Variants in TSC22D1 observed in about 807,000 individuals in gnomAD.
TSC22D1 encodes TSC22 domain family member 1, also known as TSC22 domain family protein 1.
In TSC22D1, 9 loss-of-function variants were observed where a neutral mutation model predicts 74.2. The observed-to-expected ratio is 0.12, with a 90% confidence interval of 0.07 to 0.21. The LOEUF (loss-of-function observed/expected upper bound fraction) is 0.21, where lower values mean the gene tolerates loss of function less well. Among genes scored for constraint, TSC22D1 ranks in the 10% least tolerant of loss-of-function variants. The pLI is 1.00. For missense variants in TSC22D1, 1,427 were observed against 1,304.7 expected, an observed-to-expected ratio of 1.09 and a Z score of -1.44; for synonymous variants, 586 against 492.5, an observed-to-expected ratio of 1.19 and a Z score of -2.51.
intron 1 of TSC22D1, among the ~76,000 whole-genome samples, chr13:44,501,127 T>G (rs1879204331): frequency 6.6e-6 from 1 of 152,148 alleles, no homozygotes; most frequent in Non-Finnish European, 1.5e-5. Flanking sequence ...GAATAGTGAT[T>G]TGGGACTAGA....
At chr13:44,540,276 A>G (rs918346020) in intron 1 of TSC22D1, among the ~76,000 whole-genome samples, 2 of 152,186 alleles carry the variant, frequency 1.3e-5, no homozygotes, top group African/African-American at 4.8e-5. Context: ...AGATATATCA[A>G]AGGAGGAGTC....
chr13:44,573,649 A>C lies in TSC22D1; in HGVS notation c.2426T>G (p.Val809Gly), dbSNP rs756621836. ...CTGCTGTGAAACAATTCCTTGAGCT[A>C]CTGGTTCTACTCCTTGTGGCTGGGG... ...VPPQPQGVEP[V>G]AQGIVSQQLP... Residue 809 changes from valine (V) to glycine (G), a missense_variant, in exon 1 of 3, where the codon GTA (valine) becomes GGA (glycine). By Grantham distance (109) the Val-to-Gly change is moderately radical (BLOSUM62 -3). Transcript: ENST00000458659. 32 of 1,614,118 alleles carry C rather than the reference A, an allele frequency of 2.0e-5. No homozygotes were observed. The highest frequency in any genetic ancestry group is 2.4e-5 in the Non-Finnish European group (28 of 1,180,042).
At chr13:44,555,618 T>TAAATAAATAAATAAAC (rs1462065028) in intron 1 of TSC22D1, among the ~76,000 whole-genome samples, 6 of 151,766 alleles carry the variant, frequency 4.0e-5, no homozygotes, top group Non-Finnish European at 7.4e-5. Flanking sequence ...AATAAATAAA[T>TAAATAAATAAATAAAC]AAATAAATAA....
At chr13:44,544,250 T>C (rs1489448504) in intron 1 of TSC22D1, among the ~76,000 whole-genome samples, 1 of 152,040 alleles carries the variant, frequency 6.6e-6, no homozygotes, top group Non-Finnish European at 1.5e-5. Context: ...ATTACAGATT[T>C]CTAATATTCT....
chr13:44,513,986 C>T (rs1414656684), intron 1 of TSC22D1, among the ~76,000 whole-genome samples: 1 of 152,154 alleles, frequency 6.6e-6, no homozygotes, highest in African/African-American at 2.4e-5. Flanking sequence ...CAGGTATAGA[C>T]AACTAAAGTT....
chr13:44,474,707 G>A (rs1026192936), intron 1 of TSC22D1, among the ~76,000 whole-genome samples: 2 of 151,862 alleles, frequency 1.3e-5, no homozygotes, highest in African/African-American at 4.8e-5. Flanking sequence ...TAAGAATGGA[G>A]GGAAGAAGGA....
At chr13:44,469,958 G>A (rs1183269022) in intron 1 of TSC22D1, among the ~76,000 whole-genome samples, 1 of 152,060 alleles carries the variant, frequency 6.6e-6, no homozygotes, top group East Asian at 1.9e-4. Context: ...AGATGAGGGG[G>A]GAAATATGAT....
chr13:44,473,596 G>A (rs536468134), intron 1 of TSC22D1, among the ~76,000 whole-genome samples: 41 of 77,530 alleles, frequency 5.3e-4, no homozygotes, highest in Non-Finnish European at 8.9e-4. Context: ...AACAGTAGAA[G>A]CAGTATATAT....
chr13:44,462,598 A>G (rs1334423012), intron 1 of TSC22D1, among the ~76,000 whole-genome samples: 1 of 152,224 alleles, frequency 6.6e-6, no homozygotes, highest in African/African-American at 2.4e-5. Flanking sequence ...TTACAGCACA[A>G]AAATCTAAAT....
intron 1 of TSC22D1, among the ~76,000 whole-genome samples, chr13:44,504,843 T>TAA (rs1291827113): frequency 6.6e-6 from 1 of 152,172 alleles, no homozygotes; most frequent in Non-Finnish European, 1.5e-5. Flanking sequence ...TAAGAGGTAC[T>TAA]AAAAAGCTCT....
chr13:44,520,968 G>A (rs1012647780), intron 1 of TSC22D1, among the ~76,000 whole-genome samples: 3 of 152,132 alleles, frequency 2.0e-5, no homozygotes, highest in African/African-American at 7.2e-5. Context: ...CATCCCAGGA[G>A]GTAGGTGTGT....
At chr13:44,446,175 G>A (rs764780397) in intron 1 of TSC22D1, among the ~76,000 whole-genome samples, 3 of 152,128 alleles carry the variant, frequency 2.0e-5, no homozygotes, top group Non-Finnish European at 4.4e-5. Context: ...ATAATACTCA[G>A]CAATACAAAG....
Position 44,573,571 on chromosome 13 carries a change from T to C in TSC22D1, c.2504A>G (p.Gln835Arg). 6.2e-7 allele frequency: 1 copy of C among 1,614,218 alleles called. No individual in the cohort carries two copies. The highest frequency in any genetic ancestry group is 8.5e-7 in the Non-Finnish European group (1 of 1,180,044). Residue 835 changes from glutamine (Q) to arginine (R), a missense_variant, in exon 1 of 3, where the codon CAG becomes CGG. Gln to Arg is a conservative substitution (Grantham distance 43, BLOSUM62 1). Coordinates refer to ENST00000458659, the MANE Select transcript of TSC22D1 (RefSeq NM_183422.4). ...PSASSISVTS[Q>R]VSSTGPSGMP... Reference sequence around the variant, plus strand: ...TCCAGAAGGACCAGTTGAACTAACCTGACTTGTAACAGAAATACTACTAGC... The same window carrying C: ...TCCAGAAGGACCAGTTGAACTAACCCGACTTGTAACAGAAATACTACTAGC...
intron 1 of TSC22D1, among the ~76,000 whole-genome samples, chr13:44,501,855 CCCAAAGTCG>C (rs370321367): frequency 9.7e-4 from 148 of 152,282 alleles, no homozygotes; most frequent in African/African-American, 3.5e-3. Flanking sequence ...ATGGCTCTTT[CCCAAAGTCG>C]CCAAATGATC....
chr13:44,541,153 T>C (rs899318146), intron 1 of TSC22D1, among the ~76,000 whole-genome samples: 2 of 152,222 alleles, frequency 1.3e-5, no homozygotes, highest in African/African-American at 4.8e-5. Context: ...ACAAAGGTTA[T>C]AGTCTCAGCA....
At chr13:44,537,339 T>C (rs2138083500) in intron 1 of TSC22D1, 4 of 984,994 alleles carry the variant, frequency 4.1e-6, no homozygotes, top group Non-Finnish European at 3.6e-6. Flanking sequence ...TTTAAATAAA[T>C]AGCTTGTAGT....
chr13:44,451,747 A>G (rs1011682087), intron 1 of TSC22D1, among the ~76,000 whole-genome samples: 5 of 152,238 alleles, frequency 3.3e-5, no homozygotes, highest in Non-Finnish European at 7.3e-5. Context: ...CTGAGGATCA[A>G]CTGTGAGATG....
chr13:44,496,140 A>C (rs1878963979), intron 1 of TSC22D1, among the ~76,000 whole-genome samples: 1 of 152,244 alleles, frequency 6.6e-6, no homozygotes. Flanking sequence ...AAAATGTGCA[A>C]AGAATTTGAA....
intron 1 of TSC22D1, among the ~76,000 whole-genome samples, chr13:44,457,293 G>C (rs937779316): frequency 1.3e-5 from 2 of 152,076 alleles, no homozygotes; most frequent in South Asian, 4.1e-4. Flanking sequence ...CTATTCTTTC[G>C]CAAAGGATAA....
Sources: gnomAD v4.1 joint callset for allele counts (sites outside exome capture counted in the v4.1 genomes callset) on GRCh38, gnomAD v4.1.1 for gene constraint, MANE v1.5 for transcripts, NCBI Gene and HGNC (gene_info 2026-07-23, HGNC 2026-07-21) for gene names.